Variants in ALDH2 observed in about 807,000 individuals in gnomAD.
ALDH2 encodes aldehyde dehydrogenase 2 family member.
ALDH2 carries 44 observed loss-of-function variants against 59.6 expected under a neutral mutation model. The ratio of observed to expected loss-of-function variants is 0.74; its 90% CI spans 0.58 to 0.95. ALDH2 has a LOEUF of 0.95. ALDH2 is among the 40% of genes least tolerant of loss of function. ALDH2 has a pLI of 0.00. For missense variants in ALDH2, 570 were observed against 696.3 expected (o/e 0.82, Z 2.04); for synonymous variants, 291 against 284.0 (o/e 1.02, Z -0.25).
At chr12:111,789,679 A>C in intron 4 of ALDH2, 144 bp from the exon 5 acceptor site, 1 of 696,530 alleles carries the variant, frequency 1.4e-6, no homozygotes. Flanking sequence ...CTTTGCAGTC[A>C]CTTGTCTCTC....
intron 12 of ALDH2, among the ~76,000 whole-genome samples, chr12:111,808,166 T>TGCC (rs1194587963): frequency 6.6e-6 from 1 of 152,098 alleles, no homozygotes; most frequent in Admixed American, 6.6e-5. Flanking sequence ...TGAACCACTG[T>TGCC]GCCTGGCCCA....
chr12:111,789,772 A>C, intron 4 of ALDH2, 51 bp from the exon 5 acceptor site: 1 of 1,476,584 alleles, frequency 6.8e-7, no homozygotes, highest in Non-Finnish European at 9.4e-7. Flanking sequence ...CAGGGTTTGC[A>C]GGGGTCCCTG....
chr12:111,801,239 A>C (rs1159578736), intron 11 of ALDH2, among the ~76,000 whole-genome samples: 1 of 152,174 alleles, frequency 6.6e-6, no homozygotes, highest in Admixed American at 6.5e-5. Flanking sequence ...CTGTCACAAG[A>C]ATAGCATGGG....
Position 111,810,593 on chromosome 12 carries a change from C to G in ALDH2, c.*1018C>G, listed in dbSNP as rs1324456733. 6.6e-6 allele frequency: 1 copy of G among 151,688 alleles called. No individual in the cohort carries two copies. The highest frequency in any genetic ancestry group is 1.5e-5 in the Non-Finnish European group (1 of 68,166). The allele number at this position is 151,688 out of a possible 1,614,324, so 9.4% of individuals were successfully genotyped here. A position where few individuals can be genotyped will look rare whatever the true frequency, so the allele number is the denominator to read the frequency against. On this transcript the variant is annotated 3_prime_UTR_variant, in exon 13 of 13. Transcript: ENST00000261733. ...AGAGAGGGGAGAGATACTGAATGTC[C>G]AATGTTCTCAAATTTTTTTTTTTTT...
In ALDH2 at chr12:111,792,088, G is replaced by C; in HGVS notation, c.823G>C (p.Gly275Arg). 2 of 1,609,888 alleles carry C rather than the reference G, an allele frequency of 1.2e-6. No homozygotes were observed. The highest frequency in any genetic ancestry group is 8.5e-7 in the Non-Finnish European group (1 of 1,178,110). ...TGGCCGCGTAATCCAGGTTGCTGCT[G>C]GGAGCAGCAACCTCAAGAGAGTGAC... ...EIGRVIQVAA[G>R]SSNLKRVTLE... Residue 275 changes from glycine (G) to arginine (R), a missense_variant, in exon 8 of 13, where the codon GGG (glycine) becomes CGG (arginine). Transcript: ENST00000261733.
chr12:111,775,500 C>T (rs575551594), intron 1 of ALDH2: 5 of 372,150 alleles, frequency 1.3e-5, no homozygotes, highest in South Asian at 6.0e-5. Context: ...TTATGGAATG[C>T]GTGGGTGAAT....
chr12:111,767,054 C>A lies in ALDH2; in HGVS notation c.72C>A (p.Ala24=), dbSNP rs200369180. The A allele has an allele frequency of 2.0e-6, 3 of 1,529,420 alleles. No homozygotes were observed. The Admixed American group carries it at 5.9e-5, about 30-fold the overall frequency. 94.7% of individuals were successfully genotyped at this position (1,529,420 alleles called of 1,614,324 possible). A position where few individuals can be genotyped will look rare whatever the true frequency, so the allele number is the denominator to read the frequency against. The change falls in exon 1 of 13, where the codon GCC becomes GCA. Residue 24 remains alanine (A), a synonymous_variant. Coordinates refer to ENST00000261733, the MANE Select transcript of ALDH2 (RefSeq NM_000690.4). The part of the protein sequence containing the change: ...RRLLSAAATQ[A]VPAPNQQPEV... ...TCTTGTCAGCCGCCGCCACCCAGGC[C>A]GTGCCTGCCCCCAACCAGCAGCCCG...
At chr12:111,804,193 TC>T (rs1478373721) in intron 12 of ALDH2, among the ~76,000 whole-genome samples, 1 of 152,158 alleles carries the variant, frequency 6.6e-6, no homozygotes, top group Non-Finnish European at 1.5e-5. Context: ...TTTTGGCCTC[TC>T]CCTCATGCTT....
chr12:111,772,163 G>T (rs1306474729), intron 1 of ALDH2, among the ~76,000 whole-genome samples: 1 of 151,994 alleles, frequency 6.6e-6, no homozygotes, highest in Non-Finnish European at 1.5e-5. Context: ...AAAGAAAAAA[G>T]AAAAAATATA....
chr12:111,795,800 C>T (rs1440364101), intron 9 of ALDH2, among the ~76,000 whole-genome samples: 1 of 150,048 alleles, frequency 6.7e-6, no homozygotes, highest in Non-Finnish European at 1.5e-5. Flanking sequence ...ACCATGTTGG[C>T]CAGGCTGGTC....
At chr12:111,799,156 C>T (rs537426333) in intron 10 of ALDH2, among the ~76,000 whole-genome samples, 1 of 151,852 alleles carries the variant, frequency 6.6e-6, no homozygotes, top group Admixed American at 6.6e-5. Context: ...AGCCACCACG[C>T]CCGGCTTATT....
At chr12:111,791,848 G>A (rs1279999254) in intron 7 of ALDH2, among the ~76,000 whole-genome samples, 2 of 152,262 alleles carry the variant, frequency 1.3e-5, no homozygotes, top group East Asian at 3.9e-4. Context: ...GCTGCAGTGA[G>A]CTGAGATCAC....
At position 111,792,632 on chromosome 12, in the gene ALDH2, G is replaced by T. The variant is rs759563266; in HGVS notation, c.933G>T (p.Leu311=). 2 of 1,612,978 alleles carry T rather than the reference G, an allele frequency of 1.2e-6. No individual in the cohort carries two copies. Among genetic ancestry groups the T allele is most frequent in the Admixed American group, 3.3e-5 (2 of 59,956 alleles). The change falls in exon 9 of 13, where the codon CTG becomes CTT. Residue 311 remains leucine (L), a synonymous_variant. Transcript: ENST00000261733. Reference sequence around the variant, plus strand: ...CCGTGGAACAGGCCCACTTCGCCCTGTTCTTCAACCAGGGCCAGTGCTGCT... The same window carrying T: ...CCGTGGAACAGGCCCACTTCGCCCTTTTCTTCAACCAGGGCCAGTGCTGCT... ...DWAVEQAHFA[L]FFNQGQCCCA... is the part of the protein sequence containing the mutation.
At chr12:111,798,958 G>A (rs548250066) in intron 10 of ALDH2, among the ~76,000 whole-genome samples, 25 of 151,850 alleles carry the variant, frequency 1.6e-4, no homozygotes, top group African/African-American at 4.1e-4. Flanking sequence ...TCAGTGAGCC[G>A]AGATCGCGCC....
intron 1 of ALDH2, among the ~76,000 whole-genome samples, chr12:111,777,874 G>C (rs949338785): frequency 6.6e-6 from 1 of 152,136 alleles, no homozygotes; most frequent in Non-Finnish European, 1.5e-5. Context: ...ATTAACGATT[G>C]ACTAACTAAT....
intron 8 of ALDH2, 41 bp downstream of exon 8, chr12:111,792,204 C>T (rs750928778): frequency 6.9e-7 from 1 of 1,446,396 alleles, no homozygotes; most frequent in Non-Finnish European, 9.6e-7. Flanking sequence ...TGAAGGTAGC[C>T]CTGGCCACCT....
intron 3 of ALDH2, among the ~76,000 whole-genome samples, chr12:111,783,793 AG>A (rs1375505579): frequency 1.3e-5 from 2 of 152,152 alleles, no homozygotes; most frequent in Non-Finnish European, 2.9e-5. Context: ...TACAGGCGTG[AG>A]CCACCGCACC....
At chr12:111,793,136 G>A (rs912324481) in intron 9 of ALDH2, among the ~76,000 whole-genome samples, 4 of 152,128 alleles carry the variant, frequency 2.6e-5, no homozygotes, top group African/African-American at 9.7e-5. Context: ...GTGAACCTTC[G>A]TGTCTGAGAG....
chr12:111,791,513 C>G, intron 7 of ALDH2, 94 bp downstream of exon 7: 1 of 946,362 alleles, frequency 1.1e-6, no homozygotes, highest in Non-Finnish European at 1.6e-6. Flanking sequence ...TCCCGGGTGT[C>G]AAGCGGAGGC....
Sources: allele counts gnomAD v4.1 joint callset (sites outside exome capture counted in the v4.1 genomes callset), GRCh38; gene constraint gnomAD v4.1.1; transcripts MANE v1.5; gene names NCBI Gene and HGNC (gene_info 2026-07-23, HGNC 2026-07-21).